SBF2: variants seen among roughly 807,000 people sequenced by gnomAD.
SBF2 encodes myotubularin-related protein 13.
A neutral mutation model predicts 225.2 loss-of-function variants in SBF2; 112 were observed. The observed-to-expected ratio is 0.50, with a 90% confidence interval of 0.43 to 0.58. The LOEUF (loss-of-function observed/expected upper bound fraction) is 0.58, where lower values mean the gene tolerates loss of function less well. Ranked by LOEUF, SBF2 falls within the 20% of genes least tolerant of loss-of-function variation. SBF2 has a pLI of 0.00. For missense variants in SBF2, 1,996 were observed against 2,206.2 expected (o/e 0.90, Z 1.91); for synonymous variants, 763 against 773.3 (o/e 0.99, Z 0.22).
At chr11:10,250,794 G>A (rs1289041254) in intron 1 of SBF2, among the ~76,000 whole-genome samples, 5 of 152,156 alleles carry the variant, frequency 3.3e-5, no homozygotes, top group African/African-American at 1.2e-4. Flanking sequence ...CATTCACACT[G>A]CAACAAAACT....
At chr11:9,845,921 C>T (rs890218382) in intron 23 of SBF2, among the ~76,000 whole-genome samples, 181 bp from the exon 24 acceptor site, 3 of 152,130 alleles carry the variant, frequency 2.0e-5, no homozygotes, top group Admixed American at 2.0e-4. Context: ...GTTTACTTGC[C>T]ATAAATGGCT....
At position 9,808,162 on chromosome 11, in the gene SBF2, G is replaced by A; in HGVS notation, c.4281C>T (p.Leu1427=). Residue 1427 remains leucine (L), a synonymous_variant, in exon 32 of 40, where the codon CTC becomes CTT. Coordinates refer to ENST00000256190, the MANE Select transcript of SBF2 (RefSeq NM_030962.4). ...CAAGTGTCCTATAAAAGGGATCACTGAGTAACTGAACCAGGGATGTCACCT... is the reference window on the plus strand; with the variant it reads ...CAAGTGTCCTATAAAAGGGATCACTAAGTAACTGAACCAGGGATGTCACCT... The part of the protein sequence containing the change: ...TAQVTSLVQL[L]SDPFYRTLEG... The A allele has an allele frequency of 1.2e-6, 2 of 1,614,060 alleles. No individual in the cohort carries two copies. Among genetic ancestry groups the A allele is most frequent in the East Asian group, 4.5e-5 (2 of 44,888 alleles).
chr11:9,974,415 A>G (rs983579912), intron 13 of SBF2, among the ~76,000 whole-genome samples: 1 of 152,118 alleles, frequency 6.6e-6, no homozygotes, highest in African/African-American at 2.4e-5. Context: ...CTCCAGACCA[A>G]TTTCATGAAG....
At chr11:9,805,765 GGCGT>G (rs1231402295) in intron 32 of SBF2, among the ~76,000 whole-genome samples, 3 of 152,154 alleles carry the variant, frequency 2.0e-5, no homozygotes, top group South Asian at 4.1e-4. Context: ...TGGGACTACA[GGCGT>G]GCGCCCCCAC....
intron 2 of SBF2, among the ~76,000 whole-genome samples, chr11:10,075,359 C>T (rs1267888733): frequency 6.6e-6 from 1 of 152,198 alleles, no homozygotes; most frequent in Non-Finnish European, 1.5e-5. Context: ...GTCACACAAT[C>T]AGTACTCAAG....
chr11:10,109,624 G>A (rs1952739702), intron 2 of SBF2, among the ~76,000 whole-genome samples: 1 of 152,136 alleles, frequency 6.6e-6, no homozygotes, highest in South Asian at 2.1e-4. Context: ...TAGACACTTA[G>A]AATAATTAAA....
chr11:10,148,023 T>C (rs1954969411), intron 2 of SBF2, among the ~76,000 whole-genome samples: 1 of 152,212 alleles, frequency 6.6e-6, no homozygotes, highest in African/African-American at 2.4e-5. Context: ...CTTAGCATGG[T>C]ACCTAAAACA....
intron 28 of SBF2, among the ~76,000 whole-genome samples, chr11:9,822,082 G>T (rs1425177740): frequency 6.6e-6 from 1 of 151,658 alleles, no homozygotes; most frequent in Non-Finnish European, 1.5e-5. Flanking sequence ...TGCTACTATG[G>T]GCTAGTTACT....
chr11:9,903,360 GA>G (rs1490515458), intron 16 of SBF2, among the ~76,000 whole-genome samples: 1 of 151,742 alleles, frequency 6.6e-6, no homozygotes, highest in Non-Finnish European at 1.5e-5. Flanking sequence ...ATCAGAAAAA[GA>G]AAAAAAATAA....
At chr11:9,874,169 G>A (rs1451746985) in intron 17 of SBF2, among the ~76,000 whole-genome samples, 2 of 151,962 alleles carry the variant, frequency 1.3e-5, no homozygotes, top group Non-Finnish European at 1.5e-5. Context: ...ATGACAAAGA[G>A]AATCTAGAAA....
chr11:10,057,562 G>A (rs767990305), intron 2 of SBF2, among the ~76,000 whole-genome samples: 1 of 152,122 alleles, frequency 6.6e-6, no homozygotes, highest in Non-Finnish European at 1.5e-5. Context: ...TTGCTGACCT[G>A]CATCTCTCTG....
chr11:9,974,977 AAAAAAAAAAAAG>A (rs1434131809), intron 13 of SBF2, among the ~76,000 whole-genome samples: 14,666 of 120,154 alleles, frequency 0.12, 1,180 homozygotes, highest in Non-Finnish European at 0.18. Context: ...AAAAAAAAAA[AAAAAAAAAAAAG>A]AAAAAAAGAA....
chr11:10,107,044 C>T (rs374050370), intron 2 of SBF2, among the ~76,000 whole-genome samples: 41 of 152,274 alleles, frequency 2.7e-4, no homozygotes, highest in East Asian at 9.6e-4. Flanking sequence ...AGGCAATGGA[C>T]CTCACTCTAC....
At chr11:10,213,268 C>T (rs187641838) in intron 1 of SBF2, among the ~76,000 whole-genome samples, 1 of 152,098 alleles carries the variant, frequency 6.6e-6, no homozygotes, top group South Asian at 2.1e-4. Context: ...AGTAAGGAAG[C>T]CAGCTGCACA....
chr11:9,945,234 G>C (rs944234309), intron 16 of SBF2, among the ~76,000 whole-genome samples: 2 of 152,126 alleles, frequency 1.3e-5, no homozygotes, highest in African/African-American at 4.8e-5. Context: ...GGATGGCACT[G>C]GTACAAAAAC....
At chr11:10,193,343 AATT>A in intron 2 of SBF2, among the ~76,000 whole-genome samples, 1 of 147,786 alleles carries the variant, frequency 6.8e-6, no homozygotes, top group Non-Finnish European at 1.5e-5. Flanking sequence ...GAAAATCATC[AATT>A]TCATCTTTTT....
At chr11:9,786,502 A>G (rs1324806760) in intron 36 of SBF2, among the ~76,000 whole-genome samples, 1 of 152,200 alleles carries the variant, frequency 6.6e-6, no homozygotes, top group Admixed American at 6.5e-5. Context: ...GGTAAGAGAT[A>G]GAGCCCCAGA....
chr11:9,934,798 A>G (rs1864763630), intron 16 of SBF2, among the ~76,000 whole-genome samples: 1 of 152,222 alleles, frequency 6.6e-6, no homozygotes, highest in Admixed American at 6.5e-5. Flanking sequence ...TATTGACGGA[A>G]CGTACCTCAA....
intron 13 of SBF2, among the ~76,000 whole-genome samples, chr11:9,976,916 C>CCCA (rs944472729): frequency 3.3e-5 from 5 of 151,842 alleles, no homozygotes; most frequent in Non-Finnish European, 5.9e-5. Context: ...ACTACACGCG[C>CCCA]CCACCACCAT....
Sources: allele counts gnomAD v4.1 joint callset (sites outside exome capture counted in the v4.1 genomes callset), GRCh38; gene constraint gnomAD v4.1.1; transcripts MANE v1.5; gene names NCBI Gene and HGNC (gene_info 2026-07-23, HGNC 2026-07-21).